The following DCDC1 variants were observed in gnomAD, a reference collection of about 807,000 sequenced individuals.
DCDC1 encodes the protein doublecortin domain-containing protein 1.
DCDC1 carries 200 observed loss-of-function variants against 178.3 expected under a neutral mutation model. That is an observed-to-expected ratio of 1.12 (90% CI 1.00 to 1.26). The LOEUF (loss-of-function observed/expected upper bound fraction) is 1.26, where lower values mean the gene tolerates loss of function less well. Among genes scored for constraint, DCDC1 ranks in the 50% most tolerant of loss-of-function variants. The pLI, the probability that DCDC1 is intolerant of heterozygous loss-of-function variation, is 0.00. For missense variants in DCDC1, 1,983 were observed against 1,749.2 expected (o/e 1.13, Z -2.38); for synonymous variants, 690 against 604.8 (o/e 1.14, Z -2.07).
chr11:31,341,348 TGTTTG>T (rs1950527811), intron 1 of DCDC1, among the ~76,000 whole-genome samples: 3 of 152,106 alleles, frequency 2.0e-5, no homozygotes, highest in Admixed American at 2.0e-4. Flanking sequence ...CTCTGAGTTA[TGTTTG>T]GTTTGGTTAA....
At chr11:31,178,038 A>G (rs1031832870) in intron 9 of DCDC1, among the ~76,000 whole-genome samples, 1 of 152,242 alleles carries the variant, frequency 6.6e-6, no homozygotes, top group Non-Finnish European at 1.5e-5. Context: ...TGGACCAAAC[A>G]GATATTTACA....
intron 21 of DCDC1, among the ~76,000 whole-genome samples, chr11:30,949,993 T>TA (rs954850785): frequency 3.3e-5 from 5 of 151,922 alleles, no homozygotes; most frequent in African/African-American, 1.2e-4. Flanking sequence ...CCCCAGAACT[T>TA]AAAGTATAAT....
Position 30,916,610 on chromosome 11 carries a change from AGGTGG to A in DCDC1, c.3452+255_3452+259del, listed in dbSNP as rs1945851350. ...TCTGTGCTAAGTTGTCAGGAGGCAA[AGGTGG>A]ATAAGCATACTGTTTAATAGAAAAA... On this transcript the variant is annotated intron_variant, in intron 26 of 38. Coordinates refer to ENST00000684477, the MANE Select transcript of DCDC1 (RefSeq NM_001387274.1). Among the ~76,000 whole-genome samples, 4 of 152,304 alleles carry A rather than the reference AGGTGG, an allele frequency of 2.6e-5. No individual in the cohort carries two copies. In the South Asian group the frequency reaches 8.3e-4, roughly 32 times the overall value.
chr11:30,995,974 A>G (rs954609545), intron 20 of DCDC1, among the ~76,000 whole-genome samples: 5 of 152,188 alleles, frequency 3.3e-5, no homozygotes, highest in Admixed American at 1.3e-4. Flanking sequence ...TAAGAAAATG[A>G]AAGAGAAGAC....
chr11:31,146,622 T>C (rs1228496462), intron 9 of DCDC1, among the ~76,000 whole-genome samples: 2 of 152,200 alleles, frequency 1.3e-5, no homozygotes, highest in African/African-American at 4.8e-5. Flanking sequence ...GATGCCCCAC[T>C]GGCCTGCAGT....
At chr11:31,079,469 C>A (rs1957052619) in intron 17 of DCDC1, among the ~76,000 whole-genome samples, 1 of 152,152 alleles carries the variant, frequency 6.6e-6, no homozygotes, top group South Asian at 2.1e-4. Context: ...AGCAGATTAT[C>A]AAACCCAACG....
At chr11:30,997,564 A>T (rs1420972134) in intron 20 of DCDC1, among the ~76,000 whole-genome samples, 1 of 152,192 alleles carries the variant, frequency 6.6e-6, no homozygotes, top group Non-Finnish European at 1.5e-5. Flanking sequence ...ATTGTATGCC[A>T]GCTGTTAAAT....
chr11:31,048,119 A>G (rs1954981630), intron 20 of DCDC1, among the ~76,000 whole-genome samples: 1 of 152,198 alleles, frequency 6.6e-6, no homozygotes. Context: ...CCCAAATCAT[A>G]CAGTGAGTAC....
chr11:31,158,055 A>C (rs1591258541), intron 9 of DCDC1, among the ~76,000 whole-genome samples: 1 of 152,088 alleles, frequency 6.6e-6, no homozygotes, highest in Admixed American at 6.6e-5. Flanking sequence ...AACACCTAAA[A>C]TCTACTCTCT....
intron 8 of DCDC1, among the ~76,000 whole-genome samples, chr11:31,264,141 A>G (rs946253858): frequency 2.0e-5 from 3 of 152,156 alleles, no homozygotes; most frequent in African/African-American, 7.2e-5. Flanking sequence ...TATGAGTGTC[A>G]GCTATGTCCC....
intron 9 of DCDC1, among the ~76,000 whole-genome samples, chr11:31,173,239 G>A (rs1215874544): frequency 2.6e-5 from 4 of 152,062 alleles, no homozygotes; most frequent in Middle Eastern, 3.2e-3. Flanking sequence ...AGAAAGTGAC[G>A]AAGAATTTGG....
intron 1 of DCDC1, among the ~76,000 whole-genome samples, chr11:31,355,599 G>A (rs1417112057): frequency 6.6e-5 from 10 of 151,702 alleles, no homozygotes; most frequent in Non-Finnish European, 1.2e-4. Flanking sequence ...TCAGAGTCTT[G>A]CTCTGCTGCC....
intron 9 of DCDC1, among the ~76,000 whole-genome samples, chr11:31,173,913 G>A (rs571164714): frequency 2.6e-5 from 4 of 152,310 alleles, no homozygotes; most frequent in South Asian, 4.1e-4. Flanking sequence ...GTGGCGGCCT[G>A]TCTAGGGCAG....
At chr11:31,339,901 C>A (rs1950457340) in intron 1 of DCDC1, among the ~76,000 whole-genome samples, 1 of 151,802 alleles carries the variant, frequency 6.6e-6, no homozygotes, top group Non-Finnish European at 1.5e-5. Context: ...ATTTAAATAG[C>A]CTCCTTTTTA....
intron 20 of DCDC1, among the ~76,000 whole-genome samples, chr11:31,011,949 T>C (rs1252476430): frequency 6.6e-6 from 1 of 152,196 alleles, no homozygotes; most frequent in African/African-American, 2.4e-5. Context: ...AGGGGCCTGG[T>C]GGGAGGTGAT....
chr11:30,956,260 T>C (rs1948766639), intron 20 of DCDC1, among the ~76,000 whole-genome samples: 1 of 152,144 alleles, frequency 6.6e-6, no homozygotes, highest in African/African-American at 2.4e-5. Flanking sequence ...GGTCTCAAAG[T>C]CTTGGCCTCA....
At chr11:31,277,333 G>T (rs1414560502) in intron 7 of DCDC1, among the ~76,000 whole-genome samples, 3 of 152,036 alleles carry the variant, frequency 2.0e-5, no homozygotes, top group Admixed American at 2.0e-4. Context: ...CAGGTATATG[G>T]ACTTTTTTAC....
At chr11:31,162,302 A>G (rs1271699631) in intron 9 of DCDC1, among the ~76,000 whole-genome samples, 1 of 152,142 alleles carries the variant, frequency 6.6e-6, no homozygotes, top group Non-Finnish European at 1.5e-5. Context: ...ATATCTAAGG[A>G]ATAAGTTGTA....
chr11:30,938,429 G>T (rs1947417597), intron 21 of DCDC1, among the ~76,000 whole-genome samples: 1 of 152,138 alleles, frequency 6.6e-6, no homozygotes, highest in African/African-American at 2.4e-5. Flanking sequence ...TGTGCAGCTG[G>T]CTCTCCCCTG....
Sources: gnomAD v4.1 joint callset for allele counts (sites outside exome capture counted in the v4.1 genomes callset) on GRCh38, gnomAD v4.1.1 for gene constraint, MANE v1.5 for transcripts, NCBI Gene and HGNC (gene_info 2026-07-23, HGNC 2026-07-21) for gene names.